The following TBC1D32 variants were observed in gnomAD, a reference collection of about 807,000 sequenced individuals.
TBC1D32 encodes TBC1 domain family member 32.
In TBC1D32, 151 loss-of-function variants were observed where a neutral mutation model predicts 170.3. The observed-to-expected ratio is 0.89, with a 90% confidence interval of 0.78 to 1.01. The LOEUF (loss-of-function observed/expected upper bound fraction) is 1.01. Among genes scored for constraint, TBC1D32 ranks in the 50% least tolerant of loss-of-function variants. The pLI is 0.00. For synonymous variants in TBC1D32, 498 were observed against 488.0 expected (o/e 1.02, Z -0.27); for missense variants, 1,464 against 1,457.1 (o/e 1.00, Z -0.08).
At chr6:121,178,060 CA>C (rs1331011265) in intron 22 of TBC1D32, among the ~76,000 whole-genome samples, 1 of 152,160 alleles carries the variant, frequency 6.6e-6, no homozygotes, top group Non-Finnish European at 1.5e-5. Flanking sequence ...TACATGGCAG[CA>C]GGCAAGGGAA....
In TBC1D32 at chr6:121,297,026, T is replaced by C. The variant is rs142661082; in HGVS notation, c.1141-2366A>G. On this transcript the variant is annotated intron_variant, in intron 10 of 31. Coordinates refer to ENST00000398212, the MANE Select transcript of TBC1D32 (RefSeq NM_152730.6). Reference sequence around the variant, plus strand: ...TCCACTTACTTACACTCCCTTCTTTTCCTTATACTCTTTCCCTTATATTTT... The same window carrying C: ...TCCACTTACTTACACTCCCTTCTTTCCCTTATACTCTTTCCCTTATATTTT... Among the ~76,000 whole-genome samples the C allele has an allele frequency of 1.6e-3, 238 of 152,200 alleles. 1 individual carries two copies. The highest frequency in any genetic ancestry group is 2.6e-3 in the Admixed American group (39 of 15,256).
intron 19 of TBC1D32, among the ~76,000 whole-genome samples, chr6:121,240,424 A>C (rs1233646271): frequency 1.6e-5 from 2 of 126,624 alleles, no homozygotes; most frequent in African/African-American, 3.1e-5. Context: ...AGTCCAAATT[A>C]GTTCAGCCCA....
chr6:121,251,458 G>A (rs1424948404), intron 17 of TBC1D32, among the ~76,000 whole-genome samples: 1 of 152,040 alleles, frequency 6.6e-6, no homozygotes, highest in Non-Finnish European at 1.5e-5. Flanking sequence ...AATGGGGAAA[G>A]GATTCCCTAC....
chr6:121,277,172 T>A (rs1259027351), intron 15 of TBC1D32, among the ~76,000 whole-genome samples: 1 of 152,122 alleles, frequency 6.6e-6, no homozygotes, highest in South Asian at 2.1e-4. Flanking sequence ...CTAGAAATTA[T>A]ATAAAGTGTG....
chr6:121,302,338 T>C (rs536672521), intron 9 of TBC1D32, among the ~76,000 whole-genome samples: 36 of 152,286 alleles, frequency 2.4e-4, no homozygotes, highest in Admixed American at 4.6e-4. Flanking sequence ...TCTGGCTCTT[T>C]ACATAAAAAG....
At chr6:121,321,539 G>T in intron 2 of TBC1D32, 94 bp downstream of exon 2, 1 of 1,181,674 alleles carries the variant, frequency 8.5e-7, no homozygotes, top group Non-Finnish European at 1.2e-6. Flanking sequence ...TGGCTGCTAT[G>T]AGGGAAATAG....
chr6:121,332,098 T>C (rs997761740), intron 1 of TBC1D32, among the ~76,000 whole-genome samples: 5 of 152,092 alleles, frequency 3.3e-5, no homozygotes, highest in African/African-American at 1.2e-4. Flanking sequence ...TGAAGGGTAA[T>C]ACAGTATTAC....
Position 121,112,520 on chromosome 6 carries a change from T to C in TBC1D32, c.3309A>G (p.Pro1103=), listed in dbSNP as rs1189903435. Reference sequence around the variant, plus strand: ...GAAGTCTTACAGAAATATGTAGCCTTGGCAACCAAAGAAAAGCAGAAGTCA... The same window carrying C: ...GAAGTCTTACAGAAATATGTAGCCTCGGCAACCAAAGAAAAGCAGAAGTCA... ...RLLTSAFLWL[P]RLHISSYLPN... is the part of the protein sequence containing the mutation. Residue 1103 remains proline, a synonymous_variant, in exon 29 of 32, where the codon CCA becomes CCG. Coordinates refer to ENST00000398212, the MANE Select transcript of TBC1D32 (RefSeq NM_152730.6). The C allele has an allele frequency of 6.2e-7, 1 of 1,607,282 alleles. No individual in the cohort carries two copies. The highest frequency in any genetic ancestry group is 1.3e-5 in the African/African-American group (1 of 74,734).
At chr6:121,236,194 T>G (rs887133503) in intron 20 of TBC1D32, among the ~76,000 whole-genome samples, 1 of 151,908 alleles carries the variant, frequency 6.6e-6, no homozygotes, top group East Asian at 1.9e-4. Flanking sequence ...TTTTTAGTGC[T>G]TTCCTAAGGA....
At chr6:121,222,169 G>A (rs1426704919) in intron 21 of TBC1D32, among the ~76,000 whole-genome samples, 6 of 118,874 alleles carry the variant, frequency 5.0e-5, no homozygotes, top group African/African-American at 1.6e-4. Flanking sequence ...TGGCAACAAA[G>A]TATTTTTAAT....
intron 25 of TBC1D32, among the ~76,000 whole-genome samples, chr6:121,127,301 T>G (rs955922296): frequency 6.6e-6 from 1 of 152,128 alleles, no homozygotes; most frequent in African/African-American, 2.4e-5. Flanking sequence ...AGGTGAAAAG[T>G]CCAAAATCAA....
intron 11 of TBC1D32, 44 bp from the exon 12 acceptor site, chr6:121,292,237 A>G: frequency 6.5e-7 from 1 of 1,533,262 alleles, no homozygotes; most frequent in Non-Finnish European, 8.9e-7. Context: ...GTATCATTAT[A>G]TTTTACAGTA....
intron 30 of TBC1D32, among the ~76,000 whole-genome samples, chr6:121,103,601 G>A (rs1180104166): frequency 9.7e-6 from 1 of 103,526 alleles, no homozygotes; most frequent in Non-Finnish European, 1.8e-5. Context: ...GGGGGAGGGG[G>A]GAGGGATAGC....
chr6:121,322,541 C>A (rs939609888), intron 1 of TBC1D32, among the ~76,000 whole-genome samples: 1 of 152,198 alleles, frequency 6.6e-6, no homozygotes, highest in East Asian at 1.9e-4. Flanking sequence ...TGTTTCTCAA[C>A]GACTGATATC....
rs144774010 is a variant in TBC1D32 at position 121,260,473 on chromosome 6, A to G, written c.1734-4188T>C. 3.9e-5 allele frequency among the ~76,000 whole-genome samples: 6 copies of G among 152,198 alleles called. No individual in the cohort carries two copies. The East Asian group carries it at 7.7e-4, about 20-fold the overall frequency. On this transcript the variant is annotated intron_variant, in intron 15 of 31. Transcript: ENST00000398212. Reference sequence around the variant, plus strand: ...TGAGGTATCCAGGTTTTATCATCAGAACTGACTAGGCGGCTGGCATGACCC... The same window carrying G: ...TGAGGTATCCAGGTTTTATCATCAGGACTGACTAGGCGGCTGGCATGACCC...
chr6:121,174,131 G>T (rs777855178), intron 22 of TBC1D32, among the ~76,000 whole-genome samples: 7 of 150,694 alleles, frequency 4.6e-5, no homozygotes, highest in Non-Finnish European at 8.8e-5. Flanking sequence ...GCTAAGGAAT[G>T]AAATAGAAGA....
At chr6:121,248,062 G>A (rs1284089382) in intron 17 of TBC1D32, among the ~76,000 whole-genome samples, 2 of 151,860 alleles carry the variant, frequency 1.3e-5, no homozygotes, top group Non-Finnish European at 2.9e-5. Context: ...TAGACCACAC[G>A]ATAAGCCACA....
chr6:121,285,346 G>A (rs1778611884), intron 12 of TBC1D32, among the ~76,000 whole-genome samples: 1 of 152,162 alleles, frequency 6.6e-6, no homozygotes, highest in Non-Finnish European at 1.5e-5. Flanking sequence ...TCTCCTGGTT[G>A]AGTCATACAG....
chr6:121,317,328 T>C, intron 3 of TBC1D32, among the ~76,000 whole-genome samples, 167 bp downstream of exon 3: 1 of 152,158 alleles, frequency 6.6e-6, no homozygotes, highest in Non-Finnish European at 1.5e-5. Context: ...TATAATTCTA[T>C]AAGATGTTAT....
Sources: allele counts gnomAD v4.1 joint callset (sites outside exome capture counted in the v4.1 genomes callset), GRCh38; gene constraint gnomAD v4.1.1; transcripts MANE v1.5; gene names NCBI Gene and HGNC (gene_info 2026-07-23, HGNC 2026-07-21).